NUP62CL: variants seen among roughly 807,000 people sequenced by gnomAD.
NUP62CL encodes nucleoporin-62 C-terminal-like protein.
A neutral mutation model predicts 15.3 loss-of-function variants in NUP62CL; 13 were observed. That is an observed-to-expected ratio of 0.85 (90% CI 0.55 to 1.35). The LOEUF (loss-of-function observed/expected upper bound fraction) is 1.35, where lower values mean the gene tolerates loss of function less well. Ranked by LOEUF, NUP62CL falls within the 40% of genes most tolerant of loss-of-function variation. The pLI is 0.00. For missense variants in NUP62CL, 123 were observed against 130.6 expected, an observed-to-expected ratio of 0.94 and a Z score of 0.28; for synonymous variants, 54 against 49.2, an observed-to-expected ratio of 1.10 and a Z score of -0.41.
intron 8 of NUP62CL, among the ~76,000 whole-genome samples, chrX:107,127,446 T>G (rs2147789828): frequency 8.9e-6 from 1 of 112,431 alleles, no homozygotes; most frequent in African/African-American, 3.2e-5. Context: ...TATTTTAAAA[T>G]ATTTTAAAAC....
chrX:107,160,043 A>C (rs1438524636), intron 4 of NUP62CL, among the ~76,000 whole-genome samples: 17 of 93,313 alleles, frequency 1.8e-4, no homozygotes, highest in African/African-American at 6.9e-4. Context: ...TGCTTCAAAG[A>C]GAATAAAATA....
intron 4 of NUP62CL, among the ~76,000 whole-genome samples, chrX:107,157,896 G>C (rs1170669425): frequency 6.2e-4 from 67 of 108,836 alleles, no homozygotes; most frequent in Non-Finnish European, 1.1e-3. Context: ...CTCATGTGCA[G>C]AGACACACAT....
intron 8 of NUP62CL, among the ~76,000 whole-genome samples, chrX:107,136,050 A>G (rs1040193495): frequency 9.0e-6 from 1 of 110,863 alleles, no homozygotes; most frequent in Admixed American, 9.7e-5. Context: ...AGCAAAATTA[A>G]CCCAAAGCAA....
intron 8 of NUP62CL, among the ~76,000 whole-genome samples, chrX:107,142,629 C>G (rs1016036410): frequency 8.9e-6 from 1 of 111,903 alleles, no homozygotes; most frequent in African/African-American, 3.2e-5. Flanking sequence ...ATAAATATTA[C>G]CAGACATGAT....
intron 2 of NUP62CL, among the ~76,000 whole-genome samples, chrX:107,184,021 C>T (rs1333663921): frequency 9.1e-6 from 1 of 109,972 alleles, no homozygotes; most frequent in Non-Finnish European, 1.9e-5. Flanking sequence ...TTTCAGGTGT[C>T]CACTGAGACC....
At chrX:107,154,774 G>A (rs988076877) in intron 4 of NUP62CL, among the ~76,000 whole-genome samples, 2 of 111,903 alleles carry the variant, frequency 1.8e-5, no homozygotes, top group Non-Finnish European at 3.8e-5. Context: ...GCCAGTCAAT[G>A]GTGATTCCTC....
chrX:107,135,898 C>T (rs189178415), intron 8 of NUP62CL, among the ~76,000 whole-genome samples: 1 of 110,704 alleles, frequency 9.0e-6, no homozygotes, highest in East Asian at 2.8e-4. Flanking sequence ...CAGCTCTGCC[C>T]CACCCAGGAT....
intron 2 of NUP62CL, among the ~76,000 whole-genome samples, chrX:107,186,870 C>T (rs909129474): frequency 1.3e-4 from 14 of 111,676 alleles, no homozygotes; most frequent in African/African-American, 4.6e-4. Flanking sequence ...GCCTGGGTGA[C>T]AGAGCTAGAC....
intron 2 of NUP62CL, among the ~76,000 whole-genome samples, chrX:107,184,274 C>T (rs944967856): frequency 2.4e-5 from 2 of 84,489 alleles, no homozygotes; most frequent in African/African-American, 5.4e-5. Context: ...AATGAAAAAA[C>T]CCGCCTCAGC....
intron 8 of NUP62CL, among the ~76,000 whole-genome samples, chrX:107,146,747 G>T (rs774649754): frequency 9.0e-6 from 1 of 110,929 alleles, no homozygotes; most frequent in Non-Finnish European, 1.9e-5. Flanking sequence ...ATCCTAATGT[G>T]GCCAGTGGGA....
chrX:107,181,520 C>T (rs991292727), intron 2 of NUP62CL, among the ~76,000 whole-genome samples: 5 of 109,990 alleles, frequency 4.5e-5, no homozygotes, highest in Admixed American at 2.9e-4. Context: ...TAATAATTTT[C>T]ACATATTTTC....
intron 2 of NUP62CL, among the ~76,000 whole-genome samples, chrX:107,185,329 T>A (rs1927035065): frequency 9.1e-6 from 1 of 110,257 alleles, no homozygotes; most frequent in Non-Finnish European, 1.9e-5. Context: ...GTAAATATAA[T>A]AGGCTTTCCT....
intron 2 of NUP62CL, among the ~76,000 whole-genome samples, chrX:107,179,858 T>A (rs192379327): frequency 7.1e-5 from 8 of 112,300 alleles, no homozygotes; most frequent in African/African-American, 2.6e-4. Context: ...TGATTTTTAA[T>A]AAAAGTGTAT....
chrX:107,152,715 G>C (rs1926075555), intron 7 of NUP62CL, among the ~76,000 whole-genome samples: 2 of 111,846 alleles, frequency 1.8e-5, no homozygotes, highest in South Asian at 7.5e-4. Flanking sequence ...AAGCTATACA[G>C]TTTGCCTCCA....
At chrX:107,138,208 C>T (rs989896603) in intron 8 of NUP62CL, among the ~76,000 whole-genome samples, 1 of 111,185 alleles carries the variant, frequency 9.0e-6, no homozygotes, top group African/African-American at 3.3e-5. Context: ...AATGATAAAA[C>T]TTGTAGAAAA....
intron 1 of NUP62CL, among the ~76,000 whole-genome samples, chrX:107,205,809 C>A (rs1359016873): frequency 9.0e-6 from 1 of 110,742 alleles, no homozygotes; most frequent in Non-Finnish European, 1.9e-5. Context: ...GCGAGCGGCG[C>A]GCCTGCTTTT....
intron 8 of NUP62CL, among the ~76,000 whole-genome samples, chrX:107,146,461 A>G (rs1225645411): frequency 8.9e-6 from 1 of 112,064 alleles, no homozygotes; most frequent in African/African-American, 3.2e-5. Context: ...TTCTGCTAGC[A>G]TATTTTTCTG....
At chrX:107,193,650 C>T (rs774554770) in intron 1 of NUP62CL, among the ~76,000 whole-genome samples, 21 of 110,453 alleles carry the variant, frequency 1.9e-4, no homozygotes, top group Non-Finnish European at 3.2e-4. Flanking sequence ...CATGACATTA[C>T]TCAAAAGGGA....
intron 4 of NUP62CL, among the ~76,000 whole-genome samples, chrX:107,160,258 C>T: frequency 9.8e-6 from 1 of 102,373 alleles, no homozygotes; most frequent in African/African-American, 3.8e-5. Flanking sequence ...CAATGACTTT[C>T]TTCACAGAAT....
Sources: allele counts gnomAD v4.1 joint callset (sites outside exome capture counted in the v4.1 genomes callset), GRCh38; gene constraint gnomAD v4.1.1; transcripts MANE v1.5; gene names NCBI Gene and HGNC (gene_info 2026-07-23, HGNC 2026-07-21).